RBMS3: variants seen among roughly 807,000 people sequenced by gnomAD.
The protein encoded by RBMS3 is RNA-binding motif, single-stranded-interacting protein 3.
RBMS3 carries 27 observed loss-of-function variants against 66.8 expected under a neutral mutation model. The ratio of observed to expected loss-of-function variants is 0.40; its 90% CI spans 0.30 to 0.56. The LOEUF is 0.56. Ranked by LOEUF, RBMS3 falls within the 20% of genes least tolerant of loss-of-function variation. The pLI is 0.40. For missense variants in RBMS3, 513 were observed against 549.5 expected (o/e 0.93, Z 0.66); for synonymous variants, 188 against 183.0 (o/e 1.03, Z -0.22).
At chr3:29,307,875 A>G (rs967332194) in intron 1 of RBMS3, among the ~76,000 whole-genome samples, 2 of 151,858 alleles carry the variant, frequency 1.3e-5, no homozygotes, top group African/African-American at 4.8e-5. Context: ...TATTCATCTA[A>G]GATATTTAAT....
chr3:29,711,759 G>A (rs752227415), intron 4 of RBMS3, among the ~76,000 whole-genome samples: 1 of 152,112 alleles, frequency 6.6e-6, no homozygotes, highest in Non-Finnish European at 1.5e-5. Context: ...TAAATACTTT[G>A]GATAGGGTTA....
At chr3:29,713,562 T>A (rs554982755) in intron 4 of RBMS3, among the ~76,000 whole-genome samples, 2 of 152,186 alleles carry the variant, frequency 1.3e-5, no homozygotes. Context: ...TATTTATACA[T>A]GCACTGATTT....
intron 3 of RBMS3, 73 bp from the exon 4 acceptor site, chr3:29,587,041 C>T: frequency 3.4e-6 from 4 of 1,164,412 alleles, no homozygotes; most frequent in Non-Finnish European, 5.0e-6. Flanking sequence ...TATCTGTAAA[C>T]TTGTACTTCA....
chr3:29,477,465 A>AAACG (rs1373357065), intron 2 of RBMS3, among the ~76,000 whole-genome samples: 2 of 152,052 alleles, frequency 1.3e-5, no homozygotes, highest in Non-Finnish European at 2.9e-5. Context: ...ACAAACAAAC[A>AAACG]AACAAACAAA....
intron 14 of RBMS3, among the ~76,000 whole-genome samples, chr3:29,999,851 G>A (rs7650386): frequency 6.6e-6 from 1 of 151,598 alleles, no homozygotes; most frequent in South Asian, 2.1e-4. Context: ...TGGCACATGT[G>A]TACATATGTA....
rs144621032 is a variant in RBMS3, at chr3:29,608,028, C to G, written c.399+20823C>G. On this transcript the variant is annotated intron_variant, in intron 4 of 14. Coordinates refer to ENST00000383767, the MANE Select transcript of RBMS3 (RefSeq NM_001003793.3). ...GAGAAATCTCAACATGCCCATCATC[C>G]AGCTTCAACATTTATTCTACTATGA... is the stretch of plus-strand genomic sequence containing the variant. 6.4e-3 allele frequency among the ~76,000 whole-genome samples: 974 copies of G among 151,968 alleles called. 9 individuals carry two copies. Among genetic ancestry groups the G allele is most frequent in the Non-Finnish European group, 9.7e-3 (656 of 67,888 alleles).
chr3:29,934,924 G>T (rs938067930), intron 10 of RBMS3, among the ~76,000 whole-genome samples: 1 of 152,080 alleles, frequency 6.6e-6, no homozygotes, highest in Non-Finnish European at 1.5e-5. Context: ...TAGGAAACGC[G>T]CAGTGGGTAA....
chr3:29,871,090 A>C (rs1026961131), intron 7 of RBMS3, among the ~76,000 whole-genome samples: 25 of 152,266 alleles, frequency 1.6e-4, no homozygotes, highest in African/African-American at 6.0e-4. Flanking sequence ...GTCATGATAC[A>C]CATTAATCCT....
rs189986160 is a variant in RBMS3, at chr3:29,331,334, T to G, written c.75+49578T>G. Among the ~76,000 whole-genome samples, 441 of 152,234 alleles carry G rather than the reference T, an allele frequency of 2.9e-3. 2 individuals are homozygous for G. Among genetic ancestry groups the G allele is most frequent in the African/African-American group, 0.01 (419 of 41,552 alleles). On this transcript the variant is annotated intron_variant, in intron 1 of 14. Transcript: ENST00000383767. Reference sequence around the variant, plus strand: ...CCTGGGAGTTCCACGTCCTCCCTGGTGTTTATGAGAGCCCAGCTCCCTTTC... The same window carrying G: ...CCTGGGAGTTCCACGTCCTCCCTGGGGTTTATGAGAGCCCAGCTCCCTTTC...
At chr3:29,497,006 T>C (rs1487292384) in intron 3 of RBMS3, among the ~76,000 whole-genome samples, 2 of 150,474 alleles carry the variant, frequency 1.3e-5, no homozygotes, top group Non-Finnish European at 2.9e-5. Context: ...AGAAATGATT[T>C]TATTGGGAAA....
At chr3:29,942,236 A>C (rs889180563) in intron 11 of RBMS3, among the ~76,000 whole-genome samples, 1 of 151,746 alleles carries the variant, frequency 6.6e-6, no homozygotes, top group Non-Finnish European at 1.5e-5. Flanking sequence ...AATGGAAGTA[A>C]GGCAGGCTGT....
chr3:29,453,353 G>C (rs1189300298), intron 2 of RBMS3, among the ~76,000 whole-genome samples: 2 of 152,310 alleles, frequency 1.3e-5, no homozygotes, highest in African/African-American at 4.8e-5. Context: ...TCTCTGGTTT[G>C]GCACAGCCTG....
chr3:29,394,626 G>A (rs781382294), intron 1 of RBMS3, among the ~76,000 whole-genome samples: 4 of 152,250 alleles, frequency 2.6e-5, no homozygotes, highest in Non-Finnish European at 5.9e-5. Context: ...ACTAATAAAC[G>A]TCCATGAAAT....
At chr3:29,920,736 A>G (rs1319968626) in intron 10 of RBMS3, among the ~76,000 whole-genome samples, 2 of 151,842 alleles carry the variant, frequency 1.3e-5, no homozygotes, top group Non-Finnish European at 2.9e-5. Context: ...AGCACTTTGG[A>G]AGGTGGAGGC....
At chr3:29,513,449 C>T (rs2044495486) in intron 3 of RBMS3, among the ~76,000 whole-genome samples, 1 of 152,132 alleles carries the variant, frequency 6.6e-6, no homozygotes, top group African/African-American at 2.4e-5. Context: ...AACTGGCCCC[C>T]ACCCAGACTT....
At chr3:29,286,225 T>C (rs2032317148) in intron 1 of RBMS3, among the ~76,000 whole-genome samples, 2 of 152,132 alleles carry the variant, frequency 1.3e-5, no homozygotes, top group African/African-American at 4.8e-5. Flanking sequence ...CACTTTAGAC[T>C]GTATAGAATT....
chr3:29,836,277 TA>T, intron 6 of RBMS3, among the ~76,000 whole-genome samples: 1 of 152,180 alleles, frequency 6.6e-6, no homozygotes, highest in South Asian at 2.1e-4. Flanking sequence ...AGGCTGGCAT[TA>T]CTCTAATAAA....
chr3:29,362,739 G>A (rs1469868799), intron 1 of RBMS3, among the ~76,000 whole-genome samples: 1 of 152,136 alleles, frequency 6.6e-6, no homozygotes, highest in Non-Finnish European at 1.5e-5. Context: ...GCCATATATG[G>A]TGTACTGCAC....
intron 1 of RBMS3, among the ~76,000 whole-genome samples, chr3:29,295,508 A>G (rs926449213): frequency 2.6e-5 from 4 of 151,204 alleles, no homozygotes; most frequent in Non-Finnish European, 5.9e-5. Context: ...TACACTACAC[A>G]GGTCTTCAAG....
Sources: allele counts gnomAD v4.1 joint callset (sites outside exome capture counted in the v4.1 genomes callset), GRCh38; gene constraint gnomAD v4.1.1; transcripts MANE v1.5; gene names NCBI Gene and HGNC (gene_info 2026-07-23, HGNC 2026-07-21).